Variants in SCRIB observed in about 807,000 individuals in gnomAD.
The protein encoded by SCRIB is scribble planar cell polarity protein.
In SCRIB, 72 loss-of-function variants were observed where a neutral mutation model predicts 170.0. The ratio of observed to expected loss-of-function variants is 0.42; its 90% CI spans 0.35 to 0.52. The LOEUF (loss-of-function observed/expected upper bound fraction) is 0.52. Among genes scored for constraint, SCRIB ranks in the 20% least tolerant of loss-of-function variants. SCRIB has a pLI of 0.02. For synonymous variants in SCRIB, 1,298 were observed against 1,044.3 expected, an observed-to-expected ratio of 1.24 and a Z score of -4.68; for missense variants, 2,475 against 2,338.5, an observed-to-expected ratio of 1.06 and a Z score of -1.20.
chr8:143,804,912 G>A (rs1351415951), intron 20 of SCRIB, 22 bp downstream of exon 20: 1 of 531,868 alleles, frequency 1.9e-6, no homozygotes. Flanking sequence ...GGTGGGTGGG[G>A]CGGGGCCCCA....
intron 14 of SCRIB, among the ~76,000 whole-genome samples, chr8:143,809,257 G>C (rs1407868234): frequency 6.6e-6 from 1 of 152,164 alleles, no homozygotes; most frequent in Admixed American, 6.5e-5. Flanking sequence ...GGTGCGCCAA[G>C]GCCTCACACC....
At chr8:143,791,552 G>C (rs1412547875) in intron 35 of SCRIB, 112 bp from the exon 36 acceptor site, 9 of 1,568,844 alleles carry the variant, frequency 5.7e-6, no homozygotes, top group African/African-American at 4.1e-5. Context: ...AAGGGGGAGG[G>C]GGGGTGAAGA....
rs751794172 is a variant in SCRIB, at chr8:143,809,856, G to A, written c.1531-138C>T. ...GCACCGTTAACGGGCTCACGCCCTC[G>A]CAGCTGCTCCCTGTCCCAGCCTGCA... On this transcript the variant is annotated intron_variant, in intron 13 of 36. Coordinates refer to ENST00000356994, the MANE Select transcript of SCRIB (RefSeq NM_182706.5). The A allele has an allele frequency of 5.3e-4, 523 of 978,212 alleles. 1 individual carries two copies. The highest frequency in any genetic ancestry group is 6.2e-4 in the Middle Eastern group (2 of 3,202). The allele number at this position is 978,212 out of a possible 1,614,324, so 60.6% of individuals were successfully genotyped here. A position where few individuals can be genotyped will look rare whatever the true frequency, so the allele number is the denominator to read the frequency against.
At chr8:143,807,223 T>C (rs1233055561) in intron 16 of SCRIB, among the ~76,000 whole-genome samples, 10 of 152,338 alleles carry the variant, frequency 6.6e-5, no homozygotes, top group African/African-American at 2.4e-4. Flanking sequence ...CTGCAGAGCG[T>C]GGTGGGCTGG....
intron 24 of SCRIB, among the ~76,000 whole-genome samples, chr8:143,797,667 C>T (rs935145242): frequency 2.6e-4 from 39 of 152,234 alleles, no homozygotes; most frequent in Middle Eastern, 3.2e-3. Flanking sequence ...AAGATGCACA[C>T]GCTGAAGCCT....
chr8:143,814,923 C>G (rs886824587), intron 1 of SCRIB: 6 of 427,560 alleles, frequency 1.4e-5, no homozygotes, highest in Non-Finnish European at 2.5e-5. Context: ...AATCCAAGTT[C>G]CACCCTAACC....
In SCRIB at chr8:143,805,405, G is replaced by A; in HGVS notation, c.2377C>T (p.His793Tyr). The change falls in exon 19 of 37, where the codon CAC becomes TAC. Residue 793 changes from histidine (H) to tyrosine (Y), a missense_variant. By Grantham distance (83) the His-to-Tyr change is moderately conservative. Transcript: ENST00000356994. Reference protein sequence around the residue: ...VNGVALQGAEHHEAVEALRGA... With the variant: ...VNGVALQGAEYHEAVEALRGA... ...CGGAGCGCCTCCACGGCCTCGTGGTGCTCGGCGCCCTGCAGAGCCACACCA... is the reference window on the plus strand; with the variant it reads ...CGGAGCGCCTCCACGGCCTCGTGGTACTCGGCGCCCTGCAGAGCCACACCA... The A allele has an allele frequency of 6.5e-7, 1 of 1,531,058 alleles. No individual in the cohort carries two copies. Among genetic ancestry groups the A allele is most frequent in the Non-Finnish European group, 8.7e-7 (1 of 1,143,124 alleles). The allele number at this position is 1,531,058 out of a possible 1,614,324, so 94.8% of individuals were successfully genotyped here.
In SCRIB at chr8:143,813,212, C is replaced by T. The variant is rs61247915; in HGVS notation, c.567+99G>A. On this transcript the variant is annotated intron_variant, in intron 6 of 36. Coordinates refer to ENST00000356994, the MANE Select transcript of SCRIB (RefSeq NM_182706.5). ...CCCAGCTCCCACCCGCCTGCCCTCCCGAGGTGCCCCTTGCTGTCGGATCTG... is the reference window on the plus strand; with the variant it reads ...CCCAGCTCCCACCCGCCTGCCCTCCTGAGGTGCCCCTTGCTGTCGGATCTG... 1.4e-3 allele frequency: 2,192 copies of T among 1,589,184 alleles called. 25 individuals carry two copies. The African/African-American group carries it at 0.026, about 19-fold the overall frequency.
In SCRIB at chr8:143,812,362, G is replaced by A. The variant is rs367833781; in HGVS notation, c.810C>T (p.Ile270=). Residue 270 remains isoleucine (I), a synonymous_variant, in exon 9 of 37, where the codon ATC becomes ATT. Coordinates refer to ENST00000356994, the MANE Select transcript of SCRIB (RefSeq NM_182706.5). ...DGIGQLKQLS[I]LKVDQNRLCE... ...ACAGCCGATTCTGGTCTACCTTTAG[G>A]ATGGATAGCTGCTTCAGCTGACCTG... The A allele has an allele frequency of 9.3e-6, 15 of 1,613,262 alleles. No homozygotes were observed. Among genetic ancestry groups the A allele is most frequent in the African/African-American group, 6.7e-5 (5 of 74,914 alleles).
At chr8:143,803,341 T>G in intron 24 of SCRIB, 42 bp downstream of exon 24, 1 of 1,497,790 alleles carries the variant, frequency 6.7e-7, no homozygotes, top group South Asian at 1.3e-5. Context: ...CACCTTGGGC[T>G]GGGCCAGAGG....
At chr8:143,799,094 G>A (rs565611541) in intron 24 of SCRIB, among the ~76,000 whole-genome samples, 60 of 152,258 alleles carry the variant, frequency 3.9e-4, no homozygotes, top group African/African-American at 1.2e-3. Context: ...AAGATTCCAG[G>A]GCCCCAGCCT....
Position 143,809,461 on chromosome 8 carries a change from C to T in SCRIB, c.1698+90G>A, listed in dbSNP as rs1000632758. 1.6e-5 allele frequency: 23 copies of T among 1,433,002 alleles called. No homozygotes were observed. In the South Asian group the frequency reaches 2.1e-4, roughly 13 times the overall value. 88.8% of individuals were successfully genotyped at this position (1,433,002 alleles called of 1,614,324 possible). ...ATCAGCAGGGCCCAGGCACTGCCTG[C>T]ACCAAAACCGATCCCAGCTGAGGCC... On this transcript the variant is annotated intron_variant, in intron 14 of 36. Transcript: ENST00000356994.
chr8:143,791,962 A>ACC (rs149884795), intron 33 of SCRIB, 29 bp downstream of exon 33: 157 of 1,444,304 alleles, frequency 1.1e-4, no homozygotes, highest in Admixed American at 8.6e-4. Flanking sequence ...CGGCAGGCTG[A>ACC]CCCCCCCGAC....
intron 17 of SCRIB, 98 bp downstream of exon 17, chr8:143,806,824 CGT>C (rs1563800810): frequency 1.8e-5 from 16 of 873,124 alleles, no homozygotes; most frequent in East Asian, 8.0e-5. Flanking sequence ...GTCCCCAGAG[CGT>C]GTGAGTGTTC....
In SCRIB at chr8:143,803,668, G is replaced by A. The variant is rs368489585; in HGVS notation, c.3393C>T (p.Asp1131=). The A allele has an allele frequency of 8.9e-6, 14 of 1,566,852 alleles. No homozygotes were observed. The highest frequency in any genetic ancestry group is 7.5e-5 in the Admixed American group (4 of 53,640). The change falls in exon 23 of 37, where the codon GAC becomes GAT. Residue 1131 remains aspartate (D), a synonymous_variant. Transcript: ENST00000356994. ...TCACCTTGGAGATGAAGATGCCCTC[G>A]TCTGTGGGGTCGCGGGGGTTGCCAG... ...GHAGNPRDPT[D]EGIFISKVSP...
At chr8:143,812,517 C>G (rs1487631531) in intron 8 of SCRIB, 133 bp from the exon 9 acceptor site, 1 of 663,962 alleles carries the variant, frequency 1.5e-6, no homozygotes. Context: ...TTCGGGAGGA[C>G]CCTACCTACC....
At position 143,804,232 on chromosome 8, in the gene SCRIB, G is replaced by A. The variant is rs540744458; in HGVS notation, c.3010-76C>T. The A allele has an allele frequency of 7.2e-6, 8 of 1,117,674 alleles. No homozygotes were observed. In the Admixed American group the frequency reaches 8.2e-5, roughly 11 times the overall value. 69.2% of individuals were successfully genotyped at this position (1,117,674 alleles called of 1,614,324 possible). ...GGTGTGGGAGGGCTCCCAAGAGTCC[G>A]TCCCGGTCCTTGGGGATGGCGGGCG... is the stretch of plus-strand genomic sequence containing the variant. On this transcript the variant is annotated intron_variant, in intron 21 of 36. Transcript: ENST00000356994.
chr8:143,798,230 T>G (rs578057787), intron 24 of SCRIB, among the ~76,000 whole-genome samples: 8 of 151,652 alleles, frequency 5.3e-5, no homozygotes, highest in Non-Finnish European at 1.0e-4. Flanking sequence ...CACTTCAGCT[T>G]GGGAAACAGA....
intron 35 of SCRIB, 38 bp downstream of exon 35, chr8:143,791,628 C>A (rs782781865): frequency 2.5e-5 from 39 of 1,564,184 alleles, no homozygotes; most frequent in Non-Finnish European, 3.3e-5. Context: ...CAGGCACGGA[C>A]AGGGTGGCAG....
Sources: gnomAD v4.1 joint callset for allele counts (sites outside exome capture counted in the v4.1 genomes callset) on GRCh38, gnomAD v4.1.1 for gene constraint, MANE v1.5 for transcripts, NCBI Gene and HGNC (gene_info 2026-07-23, HGNC 2026-07-21) for gene names.